STK32C: variants seen among roughly 807,000 people sequenced by gnomAD.
STK32C encodes the protein serine/threonine-protein kinase 32C.
Under a neutral mutation model 56.5 loss-of-function variants are expected in STK32C, and 31 were observed. The observed-to-expected ratio is 0.55, with a 90% CI of 0.41 to 0.74. STK32C has a LOEUF of 0.74. Among genes scored for constraint, STK32C ranks in the 30% least tolerant of loss-of-function variants. STK32C has a pLI of 0.00. For synonymous variants in STK32C, 309 were observed against 289.4 expected, an observed-to-expected ratio of 1.07 and a Z score of -0.69; for missense variants, 544 against 676.9, an observed-to-expected ratio of 0.80 and a Z score of 2.18.
At chr10:132,330,481 G>T (rs1132165) in intron 1 of STK32C, 258,013 of 712,152 alleles carry the variant, frequency 0.36, 48,693 homozygotes, top group Middle Eastern at 0.4. Context: ...TGTGCTTTCA[G>T]CTTCCTGATT....
chr10:132,227,599 G>A (rs1476669700), intron 3 of STK32C, among the ~76,000 whole-genome samples: 2 of 146,568 alleles, frequency 1.4e-5, no homozygotes, highest in African/African-American at 5.1e-5. Context: ...GGTGATGGTG[G>A]TGGTGATGGC....
intron 1 of STK32C, chr10:132,248,913 C>G (rs74435988): frequency 0.031 from 14,178 of 455,450 alleles, 401 homozygotes; most frequent in African/African-American, 0.097. Flanking sequence ...AGAATAAGCA[C>G]AAGTTCCCAA....
At chr10:132,304,127 G>T (rs1427714453) in intron 1 of STK32C, among the ~76,000 whole-genome samples, 3 of 152,224 alleles carry the variant, frequency 2.0e-5, no homozygotes, top group Non-Finnish European at 2.9e-5. Context: ...ACAAAGATCT[G>T]CAACGATGTT....
chr10:132,253,281 G>T (rs2063971217), intron 1 of STK32C, among the ~76,000 whole-genome samples: 1 of 152,236 alleles, frequency 6.6e-6, no homozygotes, highest in South Asian at 2.1e-4. Flanking sequence ...GGAAGGTCCT[G>T]CCGGGCCTGG....
At chr10:132,330,194 A>G (rs1457169495) in intron 1 of STK32C, 4 of 496,912 alleles carry the variant, frequency 8.0e-6, no homozygotes, top group East Asian at 3.6e-5. Flanking sequence ...ATGCTCGTAC[A>G]TACAATTAAC....
At chr10:132,262,618 A>G (rs916629708) in intron 1 of STK32C, among the ~76,000 whole-genome samples, 1 of 152,126 alleles carries the variant, frequency 6.6e-6, no homozygotes, top group East Asian at 1.9e-4. Flanking sequence ...CTATTAAAAA[A>G]CGGGTAAGAT....
chr10:132,294,557 C>A (rs148086457), intron 1 of STK32C, among the ~76,000 whole-genome samples: 5 of 152,334 alleles, frequency 3.3e-5, no homozygotes, highest in Non-Finnish European at 7.4e-5. Flanking sequence ...AACAGCCACA[C>A]ACCAAACGCC....
At chr10:132,322,971 G>A (rs1006198702), downstream of STK32C, among the ~76,000 whole-genome samples, 2 of 152,128 alleles carry the variant, frequency 1.3e-5, no homozygotes, top group African/African-American at 4.8e-5. Flanking sequence ...ACAGATAGCT[G>A]GTTCTGTGTC....
intron 1 of STK32C, among the ~76,000 whole-genome samples, chr10:132,279,673 C>A (rs895285679): frequency 6.7e-6 from 1 of 149,036 alleles, no homozygotes; most frequent in Non-Finnish European, 1.5e-5. Flanking sequence ...CAAGCCACTG[C>A]ACTCCGTGAT....
intron 1 of STK32C, among the ~76,000 whole-genome samples, chr10:132,251,847 G>A (rs12778224): frequency 1.4e-5 from 2 of 137,986 alleles, no homozygotes; most frequent in African/African-American, 2.7e-5. Flanking sequence ...GCAGGTCAAT[G>A]CCCTACGCCT....
intron 2 of STK32C, among the ~76,000 whole-genome samples, chr10:132,238,137 C>G (rs2137841441): frequency 6.6e-6 from 1 of 152,302 alleles, no homozygotes; most frequent in African/African-American, 2.4e-5. Flanking sequence ...CTCCCACCAT[C>G]TGGCCAGGGC....
upstream of STK32C, chr10:132,332,032 C>T (rs1241361478): frequency 2.8e-6 from 1 of 363,362 alleles, no homozygotes; most frequent in Non-Finnish European, 4.9e-6. Flanking sequence ...CACACCCCGC[C>T]CCCGCACGCA....
At chr10:132,217,572 G>A (rs2062510812) in intron 10 of STK32C, among the ~76,000 whole-genome samples, 1 of 152,238 alleles carries the variant, frequency 6.6e-6, no homozygotes, top group Non-Finnish European at 1.5e-5. Flanking sequence ...GATATGGTTT[G>A]GCTCTGTCCC....
intron 1 of STK32C, among the ~76,000 whole-genome samples, chr10:132,274,753 G>A (rs748183390): frequency 1.1e-4 from 16 of 152,174 alleles, no homozygotes; most frequent in Admixed American, 2.0e-4. Flanking sequence ...AGATGTCCCC[G>A]AGTCCAAAGC....
intron 10 of STK32C, among the ~76,000 whole-genome samples, chr10:132,217,008 CT>C (rs1458473792): frequency 7.0e-6 from 1 of 142,966 alleles, no homozygotes; most frequent in African/African-American, 2.6e-5. Context: ...CTGGGGCACA[CT>C]GCCTAGTGGA....
At chr10:132,239,128 T>C (rs12241652) in intron 2 of STK32C, among the ~76,000 whole-genome samples, 21,010 of 152,154 alleles carry the variant, frequency 0.14, 1,612 homozygotes, top group East Asian at 0.23. Flanking sequence ...CACTCCACAA[T>C]CCTGAGAGCC....
chr10:132,288,190 A>G (rs185571015), intron 1 of STK32C, among the ~76,000 whole-genome samples: 1 of 152,290 alleles, frequency 6.6e-6, no homozygotes, highest in East Asian at 1.9e-4. Flanking sequence ...GAAGAGGGGA[A>G]AAAAATCCTC....
chr10:132,257,699 C>G (rs2138041921), intron 1 of STK32C, among the ~76,000 whole-genome samples: 1 of 151,766 alleles, frequency 6.6e-6, no homozygotes, highest in East Asian at 1.9e-4. Context: ...GATGGCAATC[C>G]CAGGCCTGAC....
At chr10:132,256,015 G>A (rs761421207) in intron 1 of STK32C, among the ~76,000 whole-genome samples, 9 of 152,198 alleles carry the variant, frequency 5.9e-5, no homozygotes, top group Admixed American at 2.0e-4. Context: ...GGGCAGCTCC[G>A]GGACAGGGCT....
Sources: allele counts gnomAD v4.1 joint callset (sites outside exome capture counted in the v4.1 genomes callset), GRCh38; gene constraint gnomAD v4.1.1; transcripts MANE v1.5; gene names NCBI Gene and HGNC (gene_info 2026-07-23, HGNC 2026-07-21).